CUBN: variants seen among roughly 807,000 people sequenced by gnomAD.
The protein encoded by CUBN is cubilin, also known as 460 kDa receptor.
Under a neutral mutation model 405.3 loss-of-function variants are expected in CUBN, and 282 were observed. The observed-to-expected ratio is 0.70, with a 90% confidence interval of 0.63 to 0.77. CUBN has a LOEUF of 0.77. Among genes scored for constraint, CUBN ranks in the 30% least tolerant of loss-of-function variants. The probability of loss-of-function intolerance (pLI) is 0.00; values close to 1 mark genes in which losing one functional copy is unlikely to be tolerated. For synonymous variants in CUBN, 1,684 were observed against 1,617.0 expected (o/e 1.04, Z -0.99); for missense variants, 4,514 against 4,475.2 (o/e 1.01, Z -0.25).
chr10:17,121,810 C>G (rs1294541164), intron 6 of CUBN: 2 of 152,124 alleles, frequency 1.3e-5, no homozygotes, highest in Non-Finnish European at 2.9e-5. Context: ...AACAAGATAG[C>G]AGAGACACCA....
At chr10:16,892,035 C>A (rs2669150) in intron 54 of CUBN, among the ~76,000 whole-genome samples, 1 of 151,996 alleles carries the variant, frequency 6.6e-6, no homozygotes, top group Non-Finnish European at 1.5e-5. Flanking sequence ...CATCTCTTCT[C>A]AAGGATATTC....
chr10:16,863,739 C>T (rs1840083346), intron 59 of CUBN, among the ~76,000 whole-genome samples: 1 of 152,062 alleles, frequency 6.6e-6, no homozygotes, highest in Non-Finnish European at 1.5e-5. Flanking sequence ...CCATGTTTTC[C>T]ATCTTTGTGG....
chr10:16,830,406 G>A (rs1033009477), intron 65 of CUBN, among the ~76,000 whole-genome samples: 3 of 152,032 alleles, frequency 2.0e-5, no homozygotes, highest in African/African-American at 7.3e-5. Context: ...GGTATTTTGG[G>A]ATATTTTATA....
intron 28 of CUBN, among the ~76,000 whole-genome samples, chr10:17,008,254 T>C (rs938324306): frequency 3.3e-5 from 5 of 149,654 alleles, no homozygotes; most frequent in African/African-American, 1.2e-4. Context: ...TGTGTGTGTG[T>C]GTGTGTGTGT....
chr10:16,935,650 T>C (rs1020809848), intron 39 of CUBN, among the ~76,000 whole-genome samples: 6 of 151,572 alleles, frequency 4.0e-5, no homozygotes, highest in African/African-American at 1.2e-4. Flanking sequence ...GAGGCCGAGG[T>C]GGGCAGATCA....
intron 51 of CUBN, 48 bp downstream of exon 51, chr10:16,903,918 A>G (rs763100607): frequency 7.5e-7 from 1 of 1,335,170 alleles, no homozygotes; most frequent in Non-Finnish European, 1.0e-6. Context: ...GAAAAAAATC[A>G]TTAATCTTTA....
intron 59 of CUBN, 39 bp downstream of exon 59, chr10:16,869,597 C>A: frequency 2.2e-6 from 3 of 1,365,560 alleles, no homozygotes; most frequent in Non-Finnish European, 3.1e-6. Flanking sequence ...AGAAAGGTAA[C>A]AGTCCTGACA....
At chr10:16,851,527 G>C in intron 59 of CUBN, 84 bp from the exon 60 acceptor site, 1 of 1,254,326 alleles carries the variant, frequency 8.0e-7, no homozygotes, top group East Asian at 2.3e-5. Flanking sequence ...AAAGAACATA[G>C]TTTCCATTTT....
At position 16,903,637 on chromosome 10, in the gene CUBN, AAAT is replaced by A. The variant is rs1295544055; in HGVS notation, c.8062+326_8062+328del. On this transcript the variant is annotated intron_variant, in intron 51 of 66. Coordinates refer to ENST00000377833, the MANE Select transcript of CUBN (RefSeq NM_001081.4). Reference sequence around the variant, plus strand: ...ATTACAAAATAATTTTAAAATTATTAAATAATAATTATTATTAATAATTATTTA... The same window carrying A: ...ATTACAAAATAATTTTAAAATTATTAAATAATTATTATTAATAATTATTTA... Among the ~76,000 whole-genome samples, 595 of 147,866 alleles carry A rather than the reference AAAT, an allele frequency of 4.0e-3. 1 individual carries two copies. Among genetic ancestry groups the A allele is most frequent in the Non-Finnish European group, 7.3e-3 (488 of 67,058 alleles).
intron 27 of CUBN, among the ~76,000 whole-genome samples, chr10:17,027,075 G>C (rs943085756): frequency 1.8e-4 from 27 of 152,156 alleles, no homozygotes; most frequent in Admixed American, 1.8e-3. Flanking sequence ...TCTATGTGGT[G>C]GCTAGTTGCT....
At chr10:17,112,982 C>A (rs895322849) in intron 8 of CUBN, among the ~76,000 whole-genome samples, 39 of 152,018 alleles carry the variant, frequency 2.6e-4, no homozygotes, top group Non-Finnish European at 5.3e-4. Context: ...AAATAAAAAC[C>A]AGGCCGTGTG....
chr10:17,029,042 T>G (rs558393872), intron 27 of CUBN, among the ~76,000 whole-genome samples: 74 of 152,354 alleles, frequency 4.9e-4, no homozygotes, highest in African/African-American at 1.3e-3. Context: ...AAAGGCAGTG[T>G]GCATAGGACA....
At chr10:16,871,888 C>A (rs1840363796) in intron 58 of CUBN, among the ~76,000 whole-genome samples, 1 of 152,064 alleles carries the variant, frequency 6.6e-6, no homozygotes, top group Non-Finnish European at 1.5e-5. Context: ...TTATCTGTTT[C>A]CTAGAATGTA....
intron 59 of CUBN, among the ~76,000 whole-genome samples, chr10:16,857,096 G>A (rs1488961522): frequency 6.6e-6 from 1 of 152,196 alleles, no homozygotes; most frequent in Non-Finnish European, 1.5e-5. Context: ...AAAGTAAACA[G>A]TGTTTATTAT....
chr10:17,033,042 C>T (rs779452457), intron 27 of CUBN, among the ~76,000 whole-genome samples: 4 of 151,442 alleles, frequency 2.6e-5, no homozygotes, highest in African/African-American at 4.9e-5. Flanking sequence ...GGGTCTCCAC[C>T]GTTACTCTTA....
At chr10:16,933,400 T>G in intron 39 of CUBN, 116 bp from the exon 40 acceptor site, 1 of 871,812 alleles carries the variant, frequency 1.1e-6, no homozygotes, top group South Asian at 1.5e-5. Context: ...ATTGAAACAA[T>G]TTCTCAGAGA....
At chr10:16,991,346 G>A (rs746755725) in intron 28 of CUBN, among the ~76,000 whole-genome samples, 2 of 152,006 alleles carry the variant, frequency 1.3e-5, no homozygotes, top group Non-Finnish European at 2.9e-5. Context: ...GCAAACAGAG[G>A]TGGTGTGGAT....
At chr10:16,962,071 A>T (rs2131647298) in intron 31 of CUBN, among the ~76,000 whole-genome samples, 1 of 152,284 alleles carries the variant, frequency 6.6e-6, no homozygotes, top group African/African-American at 2.4e-5. Context: ...TGAGTATAGT[A>T]GGGGAGGTGT....
chr10:16,975,246 C>T (rs972378661), intron 31 of CUBN, among the ~76,000 whole-genome samples: 1 of 152,196 alleles, frequency 6.6e-6, no homozygotes, highest in African/African-American at 2.4e-5. Context: ...TTTCCATCTC[C>T]GTGCCTAAGA....
Sources: allele counts gnomAD v4.1 joint callset (sites outside exome capture counted in the v4.1 genomes callset), GRCh38; gene constraint gnomAD v4.1.1; transcripts MANE v1.5; gene names NCBI Gene and HGNC (gene_info 2026-07-23, HGNC 2026-07-21).